Variants in RGS20 observed in about 807,000 individuals in gnomAD.
RGS20 encodes the protein gz-selective GTPase-activating protein.
RGS20 carries 30 observed loss-of-function variants against 33.6 expected under a neutral mutation model. The ratio of observed to expected loss-of-function variants is 0.89; its 90% CI spans 0.67 to 1.21. The LOEUF (loss-of-function observed/expected upper bound fraction) is 1.21, where lower values mean the gene tolerates loss of function less well. Among genes scored for constraint, RGS20 ranks in the 50% most tolerant of loss-of-function variants. The pLI is 0.00. For missense variants in RGS20, 472 were observed against 502.4 expected (o/e 0.94, Z 0.58); for synonymous variants, 208 against 197.9 (o/e 1.05, Z -0.43).
chr8:53,919,651 C>G (rs1456753595), intron 2 of RGS20, among the ~76,000 whole-genome samples: 1 of 143,358 alleles, frequency 7.0e-6, no homozygotes, highest in East Asian at 2.1e-4. Context: ...TGCAGTGGTG[C>G]GATCTTGGCT....
rs553929061 is a variant in RGS20, at chr8:53,888,828, T to A, written c.510+9226T>A. ...TCATATGTAATTAAACAGTGTATAA[T>A]ATTTGCATCTGGTTCTTTAGCTCAG... On this transcript the variant is annotated intron_variant, in intron 2 of 5. Transcript: ENST00000297313. 2.0e-5 allele frequency among the ~76,000 whole-genome samples: 3 copies of A among 152,358 alleles called. No individual in the cohort carries two copies. The East Asian group carries it at 5.8e-4, about 29-fold the overall frequency.
intron 3 of RGS20, among the ~76,000 whole-genome samples, chr8:53,945,963 G>C (rs1389155568): frequency 6.6e-6 from 1 of 151,778 alleles, no homozygotes; most frequent in Non-Finnish European, 1.5e-5. Flanking sequence ...TTCCATTTAC[G>C]ATAACAACAA....
chr8:53,929,273 A>C (rs1482654018), intron 2 of RGS20, among the ~76,000 whole-genome samples: 1 of 152,192 alleles, frequency 6.6e-6, no homozygotes, highest in Non-Finnish European at 1.5e-5. Context: ...AACTTATCAA[A>C]TTATATACCT....
intron 2 of RGS20, among the ~76,000 whole-genome samples, chr8:53,900,536 C>CA (rs1422417276): frequency 1.3e-5 from 2 of 152,010 alleles, no homozygotes; most frequent in Non-Finnish European, 2.9e-5. Context: ...GAAATGTAAA[C>CA]AAAAAATAAA....
intron 2 of RGS20, among the ~76,000 whole-genome samples, chr8:53,918,999 C>T (rs1208574072): frequency 6.6e-6 from 1 of 152,158 alleles, no homozygotes; most frequent in Non-Finnish European, 1.5e-5. Flanking sequence ...AACTGTTTTC[C>T]AAAGTGGCCA....
chr8:53,946,206 CTTT>C (rs1814472472), intron 3 of RGS20, among the ~76,000 whole-genome samples: 2 of 151,998 alleles, frequency 1.3e-5, no homozygotes, highest in Admixed American at 1.3e-4. Flanking sequence ...GACAGTCTTA[CTTT>C]TTTACTATTT....
chr8:53,881,021 C>G lies in RGS20; in HGVS notation c.510+1419C>G, dbSNP rs1382383960. 4 of 1,594,710 alleles carry G rather than the reference C, an allele frequency of 2.5e-6. No individual in the cohort carries two copies. The African/African-American group carries it at 5.4e-5, about 21-fold the overall frequency. ...AGAAGGCACCCGCGGGACGCATGCG[C>G]ACGGCGGACGGAGGCGAGCCGGCCG... On this transcript the variant is annotated intron_variant, in intron 2 of 5. Coordinates refer to ENST00000297313, the MANE Select transcript of RGS20 (RefSeq NM_170587.4).
At chr8:53,894,490 T>TA (rs1259870098) in intron 2 of RGS20, among the ~76,000 whole-genome samples, 1 of 152,188 alleles carries the variant, frequency 6.6e-6, no homozygotes, top group Admixed American at 6.5e-5. Context: ...TGGGACAACG[T>TA]AATGCCCTGG....
At chr8:53,950,556 A>G (rs551775527) in intron 4 of RGS20, among the ~76,000 whole-genome samples, 2 of 151,956 alleles carry the variant, frequency 1.3e-5, no homozygotes, top group Non-Finnish European at 2.9e-5. Flanking sequence ...TGGATGTTCA[A>G]CCTATATAAA....
chr8:53,894,992 C>T (rs1410680931), intron 2 of RGS20, among the ~76,000 whole-genome samples: 3 of 152,092 alleles, frequency 2.0e-5, no homozygotes, highest in Admixed American at 6.6e-5. Flanking sequence ...ATTGCAATTA[C>T]TCACCTCTGC....
chr8:53,935,581 A>G (rs550930983), intron 2 of RGS20, among the ~76,000 whole-genome samples: 2 of 152,216 alleles, frequency 1.3e-5, no homozygotes, highest in African/African-American at 2.4e-5. Context: ...TGAATAGAAC[A>G]ATAACAAGTT....
At chr8:53,945,361 A>G (rs1814443555) in intron 3 of RGS20, 1 of 152,228 alleles carries the variant, frequency 6.6e-6, no homozygotes, top group Non-Finnish European at 1.5e-5. Context: ...GCCAGCAAAG[A>G]TCACATACGG....
rs772111385 is a variant in RGS20 at position 53,851,992 on chromosome 8, T to G, written c.93T>G (p.Ala31=). ...CACAGTTTCTGCCCCTGTTCAGGGC[T>G]CAGAGATATAATACAGACATTCACC... Residue 31 remains alanine (A), a synonymous_variant, in exon 1 of 6, where the codon GCT becomes GCG. Coordinates refer to ENST00000297313, the MANE Select transcript of RGS20 (RefSeq NM_170587.4). The G allele has an allele frequency of 6.2e-7, 1 of 1,614,168 alleles. No individual in the cohort carries two copies. The highest frequency in any genetic ancestry group is 1.7e-5 in the Admixed American group (1 of 60,026).
chr8:53,905,939 C>A (rs1813154422), intron 2 of RGS20, among the ~76,000 whole-genome samples: 1 of 152,188 alleles, frequency 6.6e-6, no homozygotes, highest in African/African-American at 2.4e-5. Flanking sequence ...TTTATGCCTC[C>A]TGTCCCCAGC....
rs780472421 is a variant in RGS20 at position 53,883,129 on chromosome 8, T to C, written c.510+3527T>C. Among the ~76,000 whole-genome samples the C allele has an allele frequency of 7.2e-5, 11 of 152,216 alleles. No individual in the cohort carries two copies. The South Asian group carries it at 1.7e-3, about 23-fold the overall frequency. On this transcript the variant is annotated intron_variant, in intron 2 of 5. Transcript: ENST00000297313. ...TTTTGGGGGTCTCATCCTGTTTATC[T>C]TCTGTTCGTTAAGTGACATCTTTCT...
At chr8:53,896,106 C>A (rs1353064319) in intron 2 of RGS20, among the ~76,000 whole-genome samples, 2 of 152,086 alleles carry the variant, frequency 1.3e-5, no homozygotes, top group African/African-American at 4.8e-5. Flanking sequence ...CAAAGCAAGA[C>A]CCTGCCTCTG....
chr8:53,922,893 TCAA>T, intron 2 of RGS20, among the ~76,000 whole-genome samples: 1 of 152,186 alleles, frequency 6.6e-6, no homozygotes, highest in African/African-American at 2.4e-5. Context: ...ACTCCTGGTC[TCAA>T]GTGAGCCTCC....
intron 2 of RGS20, among the ~76,000 whole-genome samples, chr8:53,929,622 C>T (rs1174885312): frequency 3.3e-5 from 5 of 152,130 alleles, no homozygotes; most frequent in East Asian, 3.9e-4. Flanking sequence ...GAGCCAAGAT[C>T]GCACCATTGC....
intron 2 of RGS20, among the ~76,000 whole-genome samples, chr8:53,897,328 C>T (rs1318411894): frequency 1.3e-5 from 2 of 152,210 alleles, no homozygotes; most frequent in African/African-American, 4.8e-5. Flanking sequence ...TGGATTCCTG[C>T]AGCACTGGGT....
Sources: allele counts gnomAD v4.1 joint callset (sites outside exome capture counted in the v4.1 genomes callset), GRCh38; gene constraint gnomAD v4.1.1; transcripts MANE v1.5; gene names NCBI Gene and HGNC (gene_info 2026-07-23, HGNC 2026-07-21).